CNTNAP2: variants seen among roughly 807,000 people sequenced by gnomAD.
CNTNAP2 encodes contactin-associated protein-like 2.
A neutral mutation model predicts 155.2 loss-of-function variants in CNTNAP2; 98 were observed. The observed-to-expected ratio is 0.63, with a 90% CI of 0.54 to 0.75. The LOEUF (loss-of-function observed/expected upper bound fraction) is 0.75, where lower values mean the gene tolerates loss of function less well. Among genes scored for constraint, CNTNAP2 ranks in the 30% least tolerant of loss-of-function variants. CNTNAP2 has a pLI of 0.00. For missense variants in CNTNAP2, 1,727 were observed against 1,688.1 expected, an observed-to-expected ratio of 1.02 and a Z score of -0.40; for synonymous variants, 651 against 631.2, an observed-to-expected ratio of 1.03 and a Z score of -0.47.
intron 1 of CNTNAP2, among the ~76,000 whole-genome samples, chr7:146,328,119 C>T (rs2129093958): frequency 6.6e-6 from 1 of 152,190 alleles, no homozygotes; most frequent in East Asian, 1.9e-4. Flanking sequence ...GCTGCCTGAG[C>T]TCAGCCTCTT....
chr7:146,311,243 T>C (rs1800815593), intron 1 of CNTNAP2, among the ~76,000 whole-genome samples: 1 of 152,156 alleles, frequency 6.6e-6, no homozygotes, highest in African/African-American at 2.4e-5. Context: ...TCTATCTGTT[T>C]AGTTGGACAA....
intron 1 of CNTNAP2, among the ~76,000 whole-genome samples, chr7:146,486,468 ACACAGGTGCCTT>A (rs1797060984): frequency 6.6e-6 from 1 of 152,164 alleles, no homozygotes; most frequent in South Asian, 2.1e-4. Context: ...GTTATCTGAG[ACACAGGTGCCTT>A]CCATCTCTTC....
chr7:147,141,970 T>G (rs1295167666), intron 8 of CNTNAP2, among the ~76,000 whole-genome samples: 1 of 152,216 alleles, frequency 6.6e-6, no homozygotes, highest in Non-Finnish European at 1.5e-5. Flanking sequence ...AAGGAGATTT[T>G]GGGCTGAGAT....
chr7:148,163,150 G>A (rs1479913383), intron 17 of CNTNAP2, among the ~76,000 whole-genome samples: 1 of 152,190 alleles, frequency 6.6e-6, no homozygotes, highest in Non-Finnish European at 1.5e-5. Context: ...TATGATGTAA[G>A]CCCAAAAATC....
intron 3 of CNTNAP2, among the ~76,000 whole-genome samples, chr7:146,873,609 T>C (rs1795360157): frequency 1.3e-5 from 2 of 152,002 alleles, no homozygotes; most frequent in Admixed American, 6.6e-5. Flanking sequence ...TGAATGCAAG[T>C]GGGTCAAGGG....
intron 3 of CNTNAP2, among the ~76,000 whole-genome samples, chr7:146,913,522 G>C (rs1585154441): frequency 6.6e-6 from 1 of 152,078 alleles, no homozygotes; most frequent in African/African-American, 2.4e-5. Flanking sequence ...TCTAAAACCA[G>C]GGTGCCAGCA....
intron 2 of CNTNAP2, among the ~76,000 whole-genome samples, chr7:146,819,712 T>G (rs2129195789): frequency 6.6e-6 from 1 of 152,246 alleles, no homozygotes; most frequent in Non-Finnish European, 1.5e-5. Flanking sequence ...GCTCCTAATT[T>G]TCATCCCCAA....
chr7:147,994,862 G>A (rs1585067833), intron 15 of CNTNAP2, among the ~76,000 whole-genome samples: 1 of 152,216 alleles, frequency 6.6e-6, no homozygotes, highest in African/African-American at 2.4e-5. Flanking sequence ...AGAGGAAGCT[G>A]AAGAGAAATG....
At chr7:148,030,990 A>G (rs772676383) in intron 15 of CNTNAP2, among the ~76,000 whole-genome samples, 2 of 152,190 alleles carry the variant, frequency 1.3e-5, no homozygotes, top group African/African-American at 4.8e-5. Flanking sequence ...GATTAAGACT[A>G]TTGCAGTAGG....
chr7:146,704,148 C>T (rs1800923634), intron 1 of CNTNAP2, among the ~76,000 whole-genome samples: 1 of 152,100 alleles, frequency 6.6e-6, no homozygotes, highest in Non-Finnish European at 1.5e-5. Context: ...CATGGAGAGA[C>T]AACCTTTTTT....
intron 8 of CNTNAP2, among the ~76,000 whole-genome samples, chr7:147,158,814 A>C (rs935270735): frequency 6.6e-6 from 1 of 152,122 alleles, no homozygotes; most frequent in Non-Finnish European, 1.5e-5. Context: ...CAATACACTT[A>C]GAAGATAAGG....
intron 4 of CNTNAP2, among the ~76,000 whole-genome samples, chr7:147,095,860 T>C (rs901349849): frequency 3.3e-5 from 5 of 152,160 alleles, no homozygotes; most frequent in African/African-American, 1.2e-4. Context: ...AGGTTCTTGT[T>C]CCTATGAAGC....
intron 2 of CNTNAP2, among the ~76,000 whole-genome samples, chr7:146,778,087 A>T (rs1329810769): frequency 1.3e-5 from 2 of 152,212 alleles, no homozygotes; most frequent in Non-Finnish European, 2.9e-5. Context: ...AAGTGAGAAG[A>T]TCATATACTA....
At chr7:148,270,477 G>A (rs969899974) in intron 21 of CNTNAP2, among the ~76,000 whole-genome samples, 1 of 152,166 alleles carries the variant, frequency 6.6e-6, no homozygotes, top group Non-Finnish European at 1.5e-5. Context: ...TTCTAGTGGA[G>A]ATTATCTCTC....
At chr7:146,608,392 A>G (rs1799081449) in intron 1 of CNTNAP2, among the ~76,000 whole-genome samples, 2 of 152,208 alleles carry the variant, frequency 1.3e-5, no homozygotes, top group South Asian at 2.1e-4. Context: ...ATCACCGTGA[A>G]TAAACAAGTT....
chr7:148,057,878 G>A (rs1484166365), intron 15 of CNTNAP2, among the ~76,000 whole-genome samples: 2 of 151,720 alleles, frequency 1.3e-5, no homozygotes, highest in African/African-American at 4.8e-5. Context: ...TTCTCTATCA[G>A]AAATGTTTTT....
intron 4 of CNTNAP2, among the ~76,000 whole-genome samples, chr7:147,084,543 TATA>T (rs1038079361): frequency 3.9e-4 from 56 of 145,052 alleles, no homozygotes; most frequent in African/African-American, 6.2e-4. Context: ...ATATATAATA[TATA>T]ATAATATAAT....
chr7:148,222,119 G>T (rs1199530281), intron 19 of CNTNAP2, among the ~76,000 whole-genome samples: 1 of 152,164 alleles, frequency 6.6e-6, no homozygotes, highest in Admixed American at 6.5e-5. Context: ...GCTTCAGCTT[G>T]TTGGCTGGGA....
intron 1 of CNTNAP2, among the ~76,000 whole-genome samples, chr7:146,687,116 C>A (rs1458847978): frequency 6.6e-6 from 1 of 152,102 alleles, no homozygotes; most frequent in East Asian, 1.9e-4. Flanking sequence ...AGAAAATTTT[C>A]ATTTCTCAAC....
Sources: allele counts gnomAD v4.1 joint callset (sites outside exome capture counted in the v4.1 genomes callset), GRCh38; gene constraint gnomAD v4.1.1; transcripts MANE v1.5; gene names NCBI Gene and HGNC (gene_info 2026-07-23, HGNC 2026-07-21).